FANCB: variants seen among roughly 807,000 people sequenced by gnomAD.
The protein encoded by FANCB is FA complementation group B.
Under a neutral mutation model 38.9 loss-of-function variants are expected in FANCB, and 5 were observed. The ratio of observed to expected loss-of-function variants is 0.13; its 90% CI spans 0.07 to 0.27. The LOEUF is 0.27. FANCB is among the 10% of genes least tolerant of loss of function. FANCB has a pLI of 1.00. For missense variants in FANCB, 573 were observed against 602.7 expected (o/e 0.95, Z 0.52); for synonymous variants, 236 against 215.4 (o/e 1.10, Z -0.84).
At chrX:14,767,741 C>T in the FANCB span, among the ~76,000 whole-genome samples, 3 of 111,683 alleles carry the variant, frequency 2.7e-5, no homozygotes, top group African/African-American at 6.5e-5. Flanking sequence ...TGGGCAATTT[C>T]GTCATGAAAT....
At chrX:14,730,614 G>T in the FANCB span, 8 of 299,329 alleles carry the variant, frequency 2.7e-5, no homozygotes, top group Admixed American at 1.5e-4. Context: ...CATGGGGGTG[G>T]GTTTCCTGGC....
chrX:14,800,047 AG>A, the FANCB span, among the ~76,000 whole-genome samples: 2 of 112,214 alleles, frequency 1.8e-5, no homozygotes, highest in African/African-American at 3.2e-5. Context: ...GAAAATCCTC[AG>A]TCTATTCAGA....
chrX:14,798,432 G>C, the FANCB span, among the ~76,000 whole-genome samples: 2 of 111,831 alleles, frequency 1.8e-5, no homozygotes, highest in African/African-American at 6.5e-5. Flanking sequence ...AAAGTGCTGG[G>C]ATTACAGGCG....
the FANCB span, among the ~76,000 whole-genome samples, chrX:14,705,083 T>A: frequency 8.9e-6 from 1 of 112,426 alleles, no homozygotes; most frequent in African/African-American, 3.2e-5. Context: ...ACTCATCTTG[T>A]TATTGTCAGT....
Position 14,865,030 on chromosome X carries a change from C to T in FANCB, c.481G>A (p.Val161Ile). The T allele has an allele frequency of 8.3e-7, 1 of 1,210,301 alleles. No individual in the cohort carries two copies. The highest frequency in any genetic ancestry group is 1.7e-5 in the African/African-American group (1 of 57,701). Residue 161 changes from valine (V) to isoleucine (I), a missense_variant, in exon 3 of 10, where the codon GTT becomes ATT. Val to Ile is a conservative substitution (Grantham distance 29). Transcript: ENST00000650831. ...GAGGAAAAGTTACCTGACACACTAA[C>T]AACTTTGCCAGTTTGAGAAGAGATA... ...FFISSQTGKV[V>I]SVSGNFSSIQ...
the FANCB span, among the ~76,000 whole-genome samples, chrX:14,803,029 T>C: frequency 8.9e-6 from 1 of 112,476 alleles, no homozygotes; most frequent in African/African-American, 3.2e-5. Flanking sequence ...TTGAAATGAA[T>C]TTCAGACAGA....
Position 14,867,181 on chromosome X carries a change from C to A in FANCB, c.-70-1601G>T, listed in dbSNP as rs191125996. ...CCCAAAGCAATCTATAGACTTAGTG[C>A]AATGTCTAGCAAAATATCAATGACA... On this transcript the variant is annotated intron_variant, in intron 2 of 9. Coordinates refer to ENST00000650831, the MANE Select transcript of FANCB (RefSeq NM_001018113.3). 1.3e-3 allele frequency among the ~76,000 whole-genome samples: 150 copies of A among 111,318 alleles called. 1 individual carries two copies. The highest frequency in any genetic ancestry group is 4.8e-3 in the African/African-American group (146 of 30,664).
At chrX:14,815,403 T>C in the FANCB span, among the ~76,000 whole-genome samples, 4 of 111,010 alleles carry the variant, frequency 3.6e-5, no homozygotes, top group African/African-American at 9.8e-5. Flanking sequence ...AAGAAAAGCT[T>C]CTACACAGCA....
Position 14,848,401 on chromosome X carries a change from AAT to A in FANCB, c.1496+2102_1496+2103del, listed in dbSNP as rs1491023515. 7.9e-3 allele frequency among the ~76,000 whole-genome samples: 883 copies of A among 111,438 alleles called. 8 individuals are homozygous for A. Among genetic ancestry groups the A allele is most frequent in the African/African-American group, 0.026 (809 of 30,647 alleles). On this transcript the variant is annotated intron_variant, in intron 7 of 9. Transcript: ENST00000650831. Reference sequence around the variant, plus strand: ...ATGCGACCCTTGTAGAGAGCCTATAAATGGACGCACAGGGGGCGCCTGTCCAT... The same window carrying A: ...ATGCGACCCTTGTAGAGAGCCTATAAGGACGCACAGGGGGCGCCTGTCCAT...
At chrX:14,816,902 C>T in the FANCB span, among the ~76,000 whole-genome samples, 5 of 111,565 alleles carry the variant, frequency 4.5e-5, no homozygotes, top group Non-Finnish European at 5.6e-5. Context: ...CACTCTTTAC[C>T]TTATCTATAA....
intron 7 of FANCB, among the ~76,000 whole-genome samples, chrX:14,849,944 C>T (rs1381713048): frequency 8.9e-6 from 1 of 112,029 alleles, no homozygotes; most frequent in Admixed American, 9.4e-5. Context: ...AAAATACACA[C>T]CAAATTTTTA....
At chrX:14,735,759 C>T in the FANCB span, among the ~76,000 whole-genome samples, 4 of 112,449 alleles carry the variant, frequency 3.6e-5, no homozygotes, top group Admixed American at 1.9e-4. Flanking sequence ...AGAGCTAGAG[C>T]GCTGTGCTGG....
chrX:14,710,858 T>C, the FANCB span, among the ~76,000 whole-genome samples: 1 of 112,061 alleles, frequency 8.9e-6, no homozygotes, highest in Non-Finnish European at 1.9e-5. Flanking sequence ...AGAAGAGATA[T>C]AAATTTTCAC....
the FANCB span, among the ~76,000 whole-genome samples, chrX:14,812,189 C>A: frequency 1.8e-5 from 2 of 110,367 alleles, no homozygotes; most frequent in Admixed American, 1.9e-4. Flanking sequence ...ATTTATAGCA[C>A]TAAATGCCCA....
At chrX:14,760,704 C>T in the FANCB span, among the ~76,000 whole-genome samples, 1 of 111,887 alleles carries the variant, frequency 8.9e-6, no homozygotes, top group Non-Finnish European at 1.9e-5. Flanking sequence ...TGCGGTGGCT[C>T]ATGCCTGTAA....
chrX:14,701,777 C>T, the FANCB span, among the ~76,000 whole-genome samples: 10 of 112,359 alleles, frequency 8.9e-5, no homozygotes, highest in Non-Finnish European at 1.9e-5. Flanking sequence ...AGTTGAAGTT[C>T]TAGTTTTGCA....
chrX:14,703,392 CCTT>C, the FANCB span, among the ~76,000 whole-genome samples: 3 of 111,417 alleles, frequency 2.7e-5, no homozygotes, highest in African/African-American at 9.8e-5. Context: ...TTTCTCTGAC[CCTT>C]CTTCCATTGC....
chrX:14,859,458 G>T, intron 3 of FANCB, 124 bp from the exon 4 acceptor site: 1 of 477,854 alleles, frequency 2.1e-6, no homozygotes, highest in African/African-American at 2.4e-5. Flanking sequence ...AATGAGTAAT[G>T]AAAATAGTAA....
the FANCB span, among the ~76,000 whole-genome samples, chrX:14,729,052 T>C: frequency 1.8e-5 from 2 of 112,548 alleles, no homozygotes; most frequent in Non-Finnish European, 3.8e-5. Context: ...GTTGTACCAT[T>C]TGAGTTTTAC....
Sources: allele counts gnomAD v4.1 joint callset (sites outside exome capture counted in the v4.1 genomes callset), GRCh38; gene constraint gnomAD v4.1.1; transcripts MANE v1.5; gene names NCBI Gene and HGNC (gene_info 2026-07-23, HGNC 2026-07-21).